Variants in SFXN4 observed in about 807,000 individuals in gnomAD.
SFXN4 encodes sideroflexin 4.
In SFXN4, 48 loss-of-function variants were observed where a neutral mutation model predicts 54.6. The ratio of observed to expected loss-of-function variants is 0.88; its 90% CI spans 0.70 to 1.12. The LOEUF is 1.12. SFXN4 is among the 50% of genes most tolerant of loss of function. SFXN4 has a pLI of 0.00. For synonymous variants in SFXN4, 130 were observed against 145.5 expected, an observed-to-expected ratio of 0.89 and a Z score of 0.77; for missense variants, 383 against 409.2, an observed-to-expected ratio of 0.94 and a Z score of 0.55.
chr10:119,149,972 C>A (rs1846990172), intron 11 of SFXN4, among the ~76,000 whole-genome samples: 2 of 152,108 alleles, frequency 1.3e-5, no homozygotes, highest in South Asian at 2.1e-4. Context: ...TCGGGGGAAA[C>A]AACAGCCACG....
chr10:119,152,511 C>T (rs1408349033), intron 11 of SFXN4, among the ~76,000 whole-genome samples: 1 of 152,078 alleles, frequency 6.6e-6, no homozygotes, highest in Non-Finnish European at 1.5e-5. Flanking sequence ...AACTCCTGAC[C>T]GACTGCAAGT....
At chr10:119,149,334 C>T (rs1300060460) in intron 11 of SFXN4, among the ~76,000 whole-genome samples, 1 of 152,176 alleles carries the variant, frequency 6.6e-6, no homozygotes, top group Non-Finnish European at 1.5e-5. Flanking sequence ...CCACCCGGCC[C>T]CTGCTCTCTG....
At chr10:119,153,930 T>C (rs1348804343) in intron 11 of SFXN4, among the ~76,000 whole-genome samples, 17 of 151,692 alleles carry the variant, frequency 1.1e-4, no homozygotes, top group Admixed American at 1.1e-3. Flanking sequence ...GTAATCCCCG[T>C]ACGTTGGGAG....
rs765323977 is a variant in SFXN4 at position 119,156,768 on chromosome 10, G to A, written c.538-12C>T. The A allele has an allele frequency of 1.9e-6, 3 of 1,594,746 alleles. No homozygotes were observed. Among genetic ancestry groups the A allele is most frequent in the Non-Finnish European group, 2.6e-6 (3 of 1,166,700 alleles). ...AACTGAGGGATTACCTAGAAAAGAA[G>A]AGAGAAAAATCATTATTTCATGGGA... On this transcript the variant is annotated splice_polypyrimidine_tract_variant and intron_variant, in intron 9 of 13. Coordinates refer to ENST00000355697, the MANE Select transcript of SFXN4 (RefSeq NM_213649.2).
At chr10:119,165,243 C>G in intron 1 of SFXN4, 1 of 1,130,958 alleles carries the variant, frequency 8.8e-7, no homozygotes, top group East Asian at 5.9e-5. Flanking sequence ...GCTGCTCAGC[C>G]ACAGCTCAGG....
intron 11 of SFXN4, among the ~76,000 whole-genome samples, chr10:119,153,635 T>G (rs1212603273): frequency 2.6e-5 from 4 of 152,172 alleles, no homozygotes; most frequent in Non-Finnish European, 5.9e-5. Context: ...CTGACCTCTG[T>G]AAGTGCAGAG....
chr10:119,159,593 G>A (rs1182907026), intron 6 of SFXN4, 135 bp downstream of exon 6: 2 of 923,162 alleles, frequency 2.2e-6, no homozygotes, highest in Non-Finnish European at 3.6e-6. Context: ...TGGGTTATCA[G>A]TGGGGATCCA....
In SFXN4 at chr10:119,162,424, G is replaced by T; in HGVS notation, c.178-10C>A. 6.2e-7 allele frequency: 1 copy of T among 1,605,402 alleles called. No individual in the cohort carries two copies. On this transcript the variant is annotated splice_polypyrimidine_tract_variant and intron_variant, in intron 2 of 13. Transcript: ENST00000355697. ...AGTTTTCTATACTTTCCTAAAATCA[G>T]ATATCAAGTAATCAAGTAATGATCT...
chr10:119,149,737 G>GTTTT (rs1846977205), intron 11 of SFXN4, among the ~76,000 whole-genome samples: 1 of 152,174 alleles, frequency 6.6e-6, no homozygotes, highest in African/African-American at 2.4e-5. Context: ...GCAACAGAGC[G>GTTTT]AGACTCAGTC....
intron 10 of SFXN4, among the ~76,000 whole-genome samples, chr10:119,155,725 T>G (rs1847256038): frequency 6.6e-6 from 1 of 152,168 alleles, no homozygotes; most frequent in Non-Finnish European, 1.5e-5. Flanking sequence ...ACTCCTGATC[T>G]CAAGTGATCC....
At chr10:119,147,415 T>C (rs958586288) in intron 12 of SFXN4, among the ~76,000 whole-genome samples, 14 of 152,072 alleles carry the variant, frequency 9.2e-5, no homozygotes, top group Non-Finnish European at 4.4e-5. Context: ...ATACTTGGAA[T>C]GGGGGTTTAG....
chr10:119,153,370 T>C (rs1369616850), intron 11 of SFXN4, among the ~76,000 whole-genome samples: 2 of 143,738 alleles, frequency 1.4e-5, no homozygotes, highest in African/African-American at 5.2e-5. Context: ...GATCACACCA[T>C]TGCACTCCAG....
chr10:119,160,953 T>G lies in SFXN4; in HGVS notation c.296A>C (p.Asp99Ala), dbSNP rs1225580284. 13 of 1,614,136 alleles carry G rather than the reference T, an allele frequency of 8.1e-6. 1 individual carries two copies. The South Asian group carries it at 1.4e-4, about 18-fold the overall frequency. The change falls in exon 5 of 14, where the codon GAC becomes GCC. Residue 99 changes from aspartate to alanine, a missense_variant. Transcript: ENST00000355697. Reference sequence around the variant, plus strand: ...AAGCTTGGGGATCAGGTTGCTGCTGTCGGGATGCACTGTTGCCTTCAAAAG... The same window carrying G: ...AAGCTTGGGGATCAGGTTGCTGCTGGCGGGATGCACTGTTGCCTTCAAAAG... ...WKRSLATVHP[D>A]SSNLIPKLFR...
chr10:119,164,268 C>CTTTT lies in SFXN4; in HGVS notation c.112-76_112-73dup, dbSNP rs35023478. 0.083 allele frequency: 41,550 copies of CTTTT among 498,952 alleles called. 1,779 individuals carry two copies. Among genetic ancestry groups the CTTTT allele is most frequent in the African/African-American group, 0.18 (7,879 of 43,542 alleles). The allele number at this position is 498,952 out of a possible 1,614,324, so 30.9% of individuals were successfully genotyped here. A position where few individuals can be genotyped will look rare whatever the true frequency, so the allele number is the denominator to read the frequency against. ...TAAAGATATAAATACTAACAGTTGG[C>CTTTT]TTTTTTTTTTTTTTTCTGAGAACCT... On this transcript the variant is annotated intron_variant, in intron 1 of 13. Coordinates refer to ENST00000355697, the MANE Select transcript of SFXN4 (RefSeq NM_213649.2).
intron 3 of SFXN4, 76 bp from the exon 4 acceptor site, chr10:119,161,157 G>A: frequency 1.4e-6 from 2 of 1,475,330 alleles, no homozygotes; most frequent in Non-Finnish European, 1.9e-6. Context: ...CTGTCACCCA[G>A]GGCTGGGGTA....
chr10:119,149,560 G>T (rs1846966827), intron 11 of SFXN4, among the ~76,000 whole-genome samples: 1 of 152,140 alleles, frequency 6.6e-6, no homozygotes, highest in African/African-American at 2.4e-5. Context: ...GACCAGCCTG[G>T]CCAACATAGT....
chr10:119,156,791 G>C, intron 9 of SFXN4, 35 bp from the exon 10 acceptor site: 1 of 1,532,916 alleles, frequency 6.5e-7, no homozygotes, highest in Non-Finnish European at 8.9e-7. Flanking sequence ...TTATTTCATG[G>C]GACTGAAAAA....
At chr10:119,165,472 G>T (rs1019034061) in intron 1 of SFXN4, 65 bp downstream of exon 1, 17 of 1,473,012 alleles carry the variant, frequency 1.2e-5, no homozygotes, top group Admixed American at 2.8e-5. Flanking sequence ...ACCCGGGTCA[G>T]CCCGACTCCA....
intron 13 of SFXN4, among the ~76,000 whole-genome samples, chr10:119,142,308 C>T (rs1344662515): frequency 6.6e-6 from 1 of 152,094 alleles, no homozygotes; most frequent in South Asian, 2.1e-4. Flanking sequence ...TCATCAAGCA[C>T]CTCCCACACC....
Sources: gnomAD v4.1 joint callset for allele counts (sites outside exome capture counted in the v4.1 genomes callset) on GRCh38, gnomAD v4.1.1 for gene constraint, MANE v1.5 for transcripts, NCBI Gene and HGNC (gene_info 2026-07-23, HGNC 2026-07-21) for gene names.